Variants in ARHGAP35 observed in about 807,000 individuals in gnomAD.
ARHGAP35 encodes Rho GTPase activating protein 35, also known as rho GTPase-activating protein 35.
A neutral mutation model predicts 111.1 loss-of-function variants in ARHGAP35; 15 were observed. That is an observed-to-expected ratio of 0.13 (90% CI 0.09 to 0.21). The LOEUF (loss-of-function observed/expected upper bound fraction) is 0.21, where lower values mean the gene tolerates loss of function less well. ARHGAP35 is among the 10% of genes least tolerant of loss of function. The pLI, the probability that ARHGAP35 is intolerant of heterozygous loss-of-function variation, is 1.00. For synonymous variants in ARHGAP35, 643 were observed against 710.3 expected (o/e 0.91, Z 1.51); for missense variants, 1,262 against 1,873.0 (o/e 0.67, Z 6.02).
At position 46,921,591 on chromosome 19, in the gene ARHGAP35, G is replaced by C. The variant is rs761561678; in HGVS notation, c.2916G>C (p.Arg972=). 2.5e-6 allele frequency: 4 copies of C among 1,613,876 alleles called. No individual in the cohort carries two copies. In the African/African-American group the frequency reaches 5.3e-5, roughly 22 times the overall value. The part of the protein sequence containing the change: ...STTEEVFNSP[R]AGSPLCNSNL... ...CCGAAGAGGTGTTTAACTCCCCCCG[G>C]GCAGGATCACCGCTCTGCAACTCAA... Residue 972 remains arginine (R), a synonymous_variant, in exon 2 of 7, where the codon CGG becomes CGC. Transcript: ENST00000672722. The surrounding 1 kb of genome is among the most constrained non-coding windows in gnomAD (Gnocchi z 4.3).
chr19:46,864,837 T>C (rs113467716), intron 1 of ARHGAP35, among the ~76,000 whole-genome samples: 7 of 152,266 alleles, frequency 4.6e-5, no homozygotes, highest in African/African-American at 1.7e-4. Context: ...TTACCCATGT[T>C]GGTGTCAATA....
intron 2 of ARHGAP35, among the ~76,000 whole-genome samples, chr19:46,928,903 G>C (rs968407512): frequency 6.6e-6 from 1 of 151,852 alleles, no homozygotes; most frequent in Non-Finnish European, 1.5e-5. Flanking sequence ...CTGCACTCCA[G>C]CCTGGGCAAC....
Position 46,935,315 on chromosome 19 carries a change from T to G in ARHGAP35, c.3682-1949T>G, listed in dbSNP as rs311378. Among the ~76,000 whole-genome samples, 550 of 152,368 alleles carry G rather than the reference T, an allele frequency of 3.6e-3. 7 individuals are homozygous for G. Among genetic ancestry groups the G allele is most frequent in the African/African-American group, 0.013 (527 of 41,588 alleles). ...ATATTGAGTCAGGTAGCAGGCTGAA[T>G]GAAGATTGGATTCTCATTGCCTTTG... On this transcript the variant is annotated intron_variant, in intron 2 of 6. Transcript: ENST00000672722.
At chr19:46,998,534 C>T (rs2056728309) in intron 5 of ARHGAP35, among the ~76,000 whole-genome samples, 1 of 152,214 alleles carries the variant, frequency 6.6e-6, no homozygotes, top group Non-Finnish European at 1.5e-5. Context: ...GGCCACAGCT[C>T]AGGCCCCACA....
intron 1 of ARHGAP35, among the ~76,000 whole-genome samples, chr19:46,891,904 G>C (rs936445904): frequency 3.9e-5 from 6 of 152,090 alleles, no homozygotes; most frequent in Admixed American, 1.3e-4. Context: ...ACTTTGGGAA[G>C]CCGAGGCAGG....
At position 46,988,219 on chromosome 19, in the gene ARHGAP35, T is replaced by C. The variant is rs111290873; in HGVS notation, c.3904+153T>C. ...GACTGAGAAAGAGACCATGTGTGGC[T>C]GCAGCGGGGAGGAGGGGACCGGGTC... On this transcript the variant is annotated intron_variant, in intron 4 of 6. Transcript: ENST00000672722. This position sits in a 1 kb window ranked among gnomAD's most constrained non-coding sequence, Gnocchi z 5.4. 7.8e-3 allele frequency: 5,581 copies of C among 714,128 alleles called. 50 individuals carry two copies. Among genetic ancestry groups the C allele is most frequent in the South Asian group, 0.02 (1,184 of 58,138 alleles). The allele number at this position is 714,128 out of a possible 1,614,324, so 44.2% of individuals were successfully genotyped here.
At chr19:46,978,136 G>A (rs2056589144) in intron 3 of ARHGAP35, among the ~76,000 whole-genome samples, 1 of 152,184 alleles carries the variant, frequency 6.6e-6, no homozygotes, top group African/African-American at 2.4e-5. Flanking sequence ...AGCCCCCGAG[G>A]CCACATGTTG....
chr19:46,877,106 A>G (rs2055927984), intron 1 of ARHGAP35, among the ~76,000 whole-genome samples: 1 of 151,312 alleles, frequency 6.6e-6, no homozygotes, highest in Non-Finnish European at 1.5e-5. Context: ...AAAATTAGTC[A>G]GGCGTGGTGG....
At position 46,922,033 on chromosome 19, in the gene ARHGAP35, C is replaced by A. The variant is rs1178800275; in HGVS notation, c.3358C>A (p.Arg1120=). 6.2e-7 allele frequency: 1 copy of A among 1,613,842 alleles called. No homozygotes were observed. Among genetic ancestry groups the A allele is most frequent in the African/African-American group, 1.3e-5 (1 of 74,914 alleles). Residue 1120 remains arginine, a synonymous_variant, in exon 2 of 7, where the codon CGG becomes AGG. Transcript: ENST00000672722. This position sits in a 1 kb window ranked among gnomAD's most constrained non-coding sequence, Gnocchi z 4.0. ...CACCCAAGGCAAAATCATCACCATT[C>A]GGAATATCAACAAAGCCCAGTCCAA... The part of the protein sequence containing the change: ...DSTQGKIITI[R]NINKAQSNGS...
intron 1 of ARHGAP35, among the ~76,000 whole-genome samples, chr19:46,862,574 ACTTT>A (rs1242691605): frequency 4.0e-5 from 6 of 149,998 alleles, no homozygotes; most frequent in Middle Eastern, 3.4e-3. Flanking sequence ...TTGTACCTAC[ACTTT>A]CTTCTCGTTT....
chr19:46,965,957 T>A, intron 3 of ARHGAP35, among the ~76,000 whole-genome samples: 1 of 152,150 alleles, frequency 6.6e-6, no homozygotes, highest in Non-Finnish European at 1.5e-5. Context: ...ATAGTTCATA[T>A]TGCCCCCTAG....
chr19:46,993,874 G>T lies in ARHGAP35; in HGVS notation c.4036+4199G>T, dbSNP rs1039435001. Among the ~76,000 whole-genome samples the T allele has an allele frequency of 6.6e-6, 1 of 152,154 alleles. No individual in the cohort carries two copies. Among genetic ancestry groups the T allele is most frequent in the Non-Finnish European group, 1.5e-5 (1 of 68,018 alleles). On this transcript the variant is annotated intron_variant, in intron 5 of 6. Coordinates refer to ENST00000672722, the MANE Select transcript of ARHGAP35 (RefSeq NM_004491.5). The surrounding 1 kb of genome is among the most constrained non-coding windows in gnomAD (Gnocchi z 4.6). Reference sequence around the variant, plus strand: ...TAGGCCACCTTCTCTCCCGGCCCACGCCCCTGGACTCCTGTCTACCCCTGA... The same window carrying T: ...TAGGCCACCTTCTCTCCCGGCCCACTCCCCTGGACTCCTGTCTACCCCTGA...
intron 3 of ARHGAP35, among the ~76,000 whole-genome samples, chr19:46,983,517 C>A (rs943247402): frequency 2.0e-5 from 3 of 148,260 alleles, no homozygotes; most frequent in African/African-American, 7.5e-5. Context: ...AGAGGAGATT[C>A]AAAAATTCTG....
At chr19:46,876,670 C>T (rs932705539) in intron 1 of ARHGAP35, among the ~76,000 whole-genome samples, 4 of 151,180 alleles carry the variant, frequency 2.6e-5, no homozygotes, top group African/African-American at 4.9e-5. Context: ...CATGCCCAGC[C>T]TAAATGTTTT....
chr19:46,924,103 T>C (rs1423739978), intron 2 of ARHGAP35, among the ~76,000 whole-genome samples: 1 of 152,086 alleles, frequency 6.6e-6, no homozygotes, highest in Non-Finnish European at 1.5e-5. Context: ...CTCCCTCCCA[T>C]GAAAGAACAG....
chr19:46,889,959 G>A (rs1387003871), intron 1 of ARHGAP35, among the ~76,000 whole-genome samples: 2 of 152,166 alleles, frequency 1.3e-5, no homozygotes, highest in Non-Finnish European at 2.9e-5. Context: ...AGACCCTTAA[G>A]GGGTTGGGTC....
intron 1 of ARHGAP35, among the ~76,000 whole-genome samples, chr19:46,878,600 G>A (rs1465084470): frequency 2.0e-5 from 3 of 152,036 alleles, no homozygotes; most frequent in Admixed American, 6.6e-5. Context: ...TTTATAGGCC[G>A]GAGCCACTGT....
At chr19:46,869,303 T>C (rs1482311677) in intron 1 of ARHGAP35, among the ~76,000 whole-genome samples, 1 of 151,982 alleles carries the variant, frequency 6.6e-6, no homozygotes, top group Non-Finnish European at 1.5e-5. Flanking sequence ...GGTGTATATA[T>C]ATAGTTGGCC....
chr19:46,960,110 C>CA (rs1034379133), intron 3 of ARHGAP35, among the ~76,000 whole-genome samples: 3,655 of 57,516 alleles, frequency 0.064, 63 homozygotes, highest in Middle Eastern at 0.2. Context: ...ACCTGTCTCA[C>CA]AAAAAAAAAA....
Sources: allele counts gnomAD v4.1 joint callset (sites outside exome capture counted in the v4.1 genomes callset), GRCh38; gene constraint gnomAD v4.1.1; non-coding constraint Gnocchi (gnomAD v3.1); transcripts MANE v1.5; gene names NCBI Gene and HGNC (gene_info 2026-07-23, HGNC 2026-07-21).